Variants in CSMD3 observed in about 807,000 individuals in gnomAD.
CSMD3 encodes CUB and Sushi multiple domains 3.
A neutral mutation model predicts 435.2 loss-of-function variants in CSMD3; 177 were observed. The ratio of observed to expected loss-of-function variants is 0.41; its 90% CI spans 0.36 to 0.46. The LOEUF is 0.46. Among genes scored for constraint, CSMD3 ranks in the 20% least tolerant of loss-of-function variants. The pLI, the probability that CSMD3 is intolerant of heterozygous loss-of-function variation, is 0.34. For missense variants in CSMD3, 4,265 were observed against 4,504.6 expected (o/e 0.95, Z 1.52); for synonymous variants, 1,656 against 1,520.5 (o/e 1.09, Z -2.07).
At chr8:113,343,439 G>GA (rs1451862638) in intron 1 of CSMD3, among the ~76,000 whole-genome samples, 1 of 152,022 alleles carries the variant, frequency 6.6e-6, no homozygotes, top group African/African-American at 2.4e-5. Flanking sequence ...AGATCACAGA[G>GA]AAAAAAATAT....
chr8:113,102,138 T>C (rs1226852884), intron 4 of CSMD3, among the ~76,000 whole-genome samples: 2 of 152,214 alleles, frequency 1.3e-5, no homozygotes, highest in East Asian at 1.9e-4. Flanking sequence ...AATGACAGGA[T>C]AGAGCCTTCT....
At chr8:112,282,807 C>T (rs1818790711) in intron 58 of CSMD3, among the ~76,000 whole-genome samples, 1 of 152,076 alleles carries the variant, frequency 6.6e-6, no homozygotes, top group South Asian at 2.1e-4. Context: ...GAAACAGCAA[C>T]TACTTTGCCT....
intron 13 of CSMD3, among the ~76,000 whole-genome samples, chr8:112,793,653 A>G (rs2078749637): frequency 6.6e-6 from 1 of 152,188 alleles, no homozygotes; most frequent in Non-Finnish European, 1.5e-5. Flanking sequence ...TATGGACAGA[A>G]AAAGGAAAGT....
intron 3 of CSMD3, among the ~76,000 whole-genome samples, chr8:113,204,998 T>C (rs1039863096): frequency 6.6e-5 from 10 of 151,922 alleles, no homozygotes; most frequent in African/African-American, 2.2e-4. Flanking sequence ...CTTTTTTTTT[T>C]TTGGAGACAA....
chr8:112,631,859 T>A (rs2074525176), intron 22 of CSMD3, among the ~76,000 whole-genome samples: 1 of 151,826 alleles, frequency 6.6e-6, no homozygotes, highest in South Asian at 2.1e-4. Context: ...AAAAGAAAAA[T>A]ATAGAAAATT....
At chr8:112,370,050 A>G (rs1291962105) in intron 38 of CSMD3, among the ~76,000 whole-genome samples, 3 of 145,388 alleles carry the variant, frequency 2.1e-5, no homozygotes, top group Admixed American at 6.9e-5. Context: ...AAGAAGAAGA[A>G]GAAGAAGAAG....
chr8:112,309,640 G>T (rs892287533), intron 50 of CSMD3, among the ~76,000 whole-genome samples: 1 of 152,040 alleles, frequency 6.6e-6, no homozygotes, highest in African/African-American at 2.4e-5. Flanking sequence ...AATGCCTTCA[G>T]TGTTGATAAC....
chr8:112,784,947 A>G (rs2078498932), intron 13 of CSMD3, among the ~76,000 whole-genome samples: 1 of 152,006 alleles, frequency 6.6e-6, no homozygotes, highest in Admixed American at 6.6e-5. Context: ...AAACGAGACA[A>G]AGACACATCA....
intron 3 of CSMD3, among the ~76,000 whole-genome samples, chr8:113,275,037 A>G (rs1253005212): frequency 6.6e-6 from 1 of 152,104 alleles, no homozygotes; most frequent in African/African-American, 2.4e-5. Flanking sequence ...ATGTCCCCAT[A>G]GAATTGAAAT....
intron 69 of CSMD3, among the ~76,000 whole-genome samples, chr8:112,229,984 G>C (rs1812943485): frequency 6.6e-6 from 1 of 151,992 alleles, no homozygotes; most frequent in Admixed American, 6.6e-5. Context: ...AAAATTAGCA[G>C]AACTTGTTTA....
rs765186497 is a variant in CSMD3 at position 112,771,689 on chromosome 8, AT to A, written c.1972+28472del. The stretch of plus-strand genomic sequence containing the variant: ...TAAAAATAAGAACCACAACAAAAAA[AT>A]AAATGAAGAATCCCAAAGAAACAAG... On this transcript the variant is annotated intron_variant, in intron 13 of 70. Coordinates refer to ENST00000297405, the MANE Select transcript of CSMD3 (RefSeq NM_198123.2). 9.6e-4 allele frequency among the ~76,000 whole-genome samples: 146 copies of A among 152,242 alleles called. 1 individual carries two copies. The highest frequency in any genetic ancestry group is 3.2e-3 in the African/African-American group (131 of 41,578).
rs553924165 is a variant in CSMD3, at chr8:112,720,657, CTGAT to C, written c.1973-30611_1973-30608del. ...AGCATAGTACCTATCCAGGATGTGA[CTGAT>C]TGGCTCAACAATCATTCACTAAAAC... On this transcript the variant is annotated intron_variant, in intron 13 of 70. Coordinates refer to ENST00000297405, the MANE Select transcript of CSMD3 (RefSeq NM_198123.2). Among the ~76,000 whole-genome samples the C allele has an allele frequency of 3.9e-4, 60 of 152,246 alleles. 1 individual carries two copies. Among genetic ancestry groups the C allele is most frequent in the Middle Eastern group, 3.4e-3 (1 of 294 alleles).
rs193019421 is a variant in CSMD3, at chr8:112,483,234, T to G, written c.5278+9255A>C. On this transcript the variant is annotated intron_variant, in intron 31 of 70. Transcript: ENST00000297405. ...GGCTGGGCGCGGTGGCTCACGCACA[T>G]AATCCTAGAGCTCTGGGAGGCAGAG... 3.9e-4 allele frequency among the ~76,000 whole-genome samples: 59 copies of G among 152,250 alleles called. 1 individual carries two copies. The East Asian group carries it at 8.1e-3, about 21-fold the overall frequency.
intron 7 of CSMD3, among the ~76,000 whole-genome samples, chr8:112,965,905 G>T (rs994094722): frequency 2.0e-5 from 3 of 151,802 alleles, no homozygotes; most frequent in African/African-American, 7.2e-5. Context: ...AAATAAGGAT[G>T]CTATTCAATA....
At chr8:112,739,723 A>G (rs2077261406) in intron 13 of CSMD3, among the ~76,000 whole-genome samples, 2 of 151,850 alleles carry the variant, frequency 1.3e-5, no homozygotes, top group African/African-American at 4.8e-5. Context: ...AGGAAACCCT[A>G]GTCCATGAAC....
intron 16 of CSMD3, among the ~76,000 whole-genome samples, chr8:112,674,527 C>T (rs992192408): frequency 7.9e-5 from 12 of 152,088 alleles, no homozygotes; most frequent in Non-Finnish European, 1.5e-4. Context: ...CCATCCCTGA[C>T]GGCACACCCT....
intron 3 of CSMD3, among the ~76,000 whole-genome samples, chr8:113,257,740 C>T (rs1388529703): frequency 2.0e-5 from 3 of 152,088 alleles, no homozygotes; most frequent in Admixed American, 6.5e-5. Flanking sequence ...AGCTAAATAT[C>T]CAGCCATTCT....
rs2083669198 is a variant in CSMD3 at position 112,947,848 on chromosome 8, T to C, written c.1450A>G (p.Asn484Asp). The C allele has an allele frequency of 2.6e-6, 4 of 1,547,216 alleles. No homozygotes were observed. Among genetic ancestry groups the C allele is most frequent in the African/African-American group, 1.4e-5 (1 of 73,556 alleles). Reference protein sequence around the residue: ...LNEGGIKTASNLCPDPGEPEN... With the variant: ...LNEGGIKTASDLCPDPGEPEN... ...GGTTCTCCTGGATCTGGGCATAAAT[T>C]GGAAGCTGTTTTAATACCTCCCTCA... is the stretch of plus-strand genomic sequence containing the variant. Residue 484 changes from asparagine (N) to aspartate (D), a missense_variant, in exon 9 of 71, where the codon AAT becomes GAT. This residue lies in a region of CSMD3 where 731 missense variants were observed against 755.4 expected (regional missense o/e 0.97). Transcript: ENST00000297405.
chr8:112,844,248 T>A (rs1442227267), intron 11 of CSMD3, among the ~76,000 whole-genome samples: 1 of 151,930 alleles, frequency 6.6e-6, no homozygotes, highest in East Asian at 1.9e-4. Context: ...TCCTAATATC[T>A]TTTCTCTTGC....
Sources: gnomAD v4.1 joint callset for allele counts (sites outside exome capture counted in the v4.1 genomes callset) on GRCh38, gnomAD v4.1.1 for gene constraint, gnomAD v4.1.1 regional missense constraint, MANE v1.5 for transcripts, NCBI Gene and HGNC (gene_info 2026-07-23, HGNC 2026-07-21) for gene names.